CA13: variants seen among roughly 807,000 people sequenced by gnomAD.
The protein encoded by CA13 is carbonic anhydrase 13.
In CA13, 21 loss-of-function variants were observed where a neutral mutation model predicts 31.5. The observed-to-expected ratio is 0.67, with a 90% CI of 0.47 to 0.96. The LOEUF is 0.96. Among genes scored for constraint, CA13 ranks in the 40% least tolerant of loss-of-function variants. The pLI is 0.00. For synonymous variants in CA13, 117 were observed against 111.4 expected (o/e 1.05, Z -0.32); for missense variants, 315 against 318.9 (o/e 0.99, Z 0.09).
At position 85,258,759 on chromosome 8, in the gene CA13, C is replaced by CAAAAAAAA. The variant is rs33933991; in HGVS notation, c.236-640_236-633dup. ...ATAACATAGTGAGGCCCTGTCTCTA[C>CAAAAAAAA]AAAAAAAAAAAAAAAAAAAAAAAAA... is the stretch of plus-strand genomic sequence containing the variant. On this transcript the variant is annotated intron_variant, in intron 2 of 6. Coordinates refer to ENST00000321764, the MANE Select transcript of CA13 (RefSeq NM_198584.3). Among the ~76,000 whole-genome samples the CAAAAAAAA allele has an allele frequency of 3.0e-4, 13 of 43,466 alleles. 2 individuals carry two copies. The highest frequency in any genetic ancestry group is 1.2e-3 in the African/African-American group (12 of 10,044). 28.5% of individuals were successfully genotyped at this position (43,466 alleles called of 152,430 possible).
At chr8:85,252,725 A>T (rs961332761) in intron 2 of CA13, among the ~76,000 whole-genome samples, 18 of 152,210 alleles carry the variant, frequency 1.2e-4, no homozygotes, top group Admixed American at 1.1e-3. Context: ...TTTTAATCTA[A>T]GATCAGGATG....
rs751903047 is a variant in CA13 at position 85,262,620 on chromosome 8, G to T, written c.354+3081G>T. Among the ~76,000 whole-genome samples, 30 of 152,290 alleles carry T rather than the reference G, an allele frequency of 2.0e-4. 2 individuals are homozygous for T. The highest frequency in any genetic ancestry group is 6.8e-3 in the Middle Eastern group (2 of 294). On this transcript the variant is annotated intron_variant, in intron 3 of 6. Transcript: ENST00000321764. ...TATGAAGGTGATTCTAAGTGCAATG[G>T]GAAGCCACTGAAAGGCTTTCCATTG...
intron 6 of CA13, among the ~76,000 whole-genome samples, chr8:85,271,839 C>T (rs920680134): frequency 4.6e-5 from 7 of 152,170 alleles, no homozygotes; most frequent in Middle Eastern, 3.4e-3. Flanking sequence ...GAGGCCAAGG[C>T]GGATGGATCA....
intron 6 of CA13, among the ~76,000 whole-genome samples, chr8:85,280,285 C>A (rs1046682152): frequency 5.9e-5 from 9 of 152,094 alleles, no homozygotes; most frequent in African/African-American, 2.2e-4. Flanking sequence ...TCTCAAAAAA[C>A]AAACAAATAA....
intron 6 of CA13, among the ~76,000 whole-genome samples, chr8:85,278,915 G>A (rs1195885881): frequency 6.6e-6 from 1 of 152,124 alleles, no homozygotes; most frequent in Non-Finnish European, 1.5e-5. Context: ...GGATAATTAT[G>A]TATTATTGAC....
In CA13 at chr8:85,250,923, C is replaced by T; in HGVS notation, c.221C>T (p.Thr74Ile). 1 of 1,613,616 alleles carries T rather than the reference C, an allele frequency of 6.2e-7. No homozygotes were observed. Among genetic ancestry groups the T allele is most frequent in the Non-Finnish European group, 8.5e-7 (1 of 1,179,868 alleles). Residue 74 changes from threonine to isoleucine, a missense_variant, in exon 2 of 7, where the codon ACA becomes ATA. Coordinates refer to ENST00000321764, the MANE Select transcript of CA13 (RefSeq NM_198584.3). ...GHSFNVDFDDTENKSVLRGGP... is the reference protein window; with the variant it reads ...GHSFNVDFDDIENKSVLRGGP... ...TCCTTCAATGTTGACTTTGATGACA[C>T]AGAGAACAAATCAGGTTGGCTTTTC...
At chr8:85,250,627 T>G in intron 1 of CA13, 113 bp from the exon 2 acceptor site, 2 of 664,122 alleles carry the variant, frequency 3.0e-6, no homozygotes, top group East Asian at 5.5e-5. Flanking sequence ...AGAATCTCAT[T>G]TTATTAATCT....
chr8:85,256,228 T>C (rs991602032), intron 2 of CA13, among the ~76,000 whole-genome samples: 7 of 152,222 alleles, frequency 4.6e-5, no homozygotes, highest in Non-Finnish European at 1.0e-4. Flanking sequence ...AAATTTGTGG[T>C]ACTAATTTTT....
chr8:85,260,890 A>C (rs1172906713), intron 3 of CA13, among the ~76,000 whole-genome samples: 1 of 152,232 alleles, frequency 6.6e-6, no homozygotes, highest in African/African-American at 2.4e-5. Flanking sequence ...CAACTCAGGA[A>C]AATTGGTCAA....
rs1012685036 is a variant in CA13, at chr8:85,278,265, CAAAAA to C, written c.670-2946_670-2942del. On this transcript the variant is annotated intron_variant, in intron 6 of 6. Coordinates refer to ENST00000321764, the MANE Select transcript of CA13 (RefSeq NM_198584.3). ...TGGGTGACAGAGCAAGACTCTATCT[CAAAAA>C]AAAAAAAAAAAAAAAAAAGTGAATC... Among the ~76,000 whole-genome samples, 60 of 76,956 alleles carry C rather than the reference CAAAAA, an allele frequency of 7.8e-4. No homozygotes were observed. In the Admixed American group the frequency reaches 8.1e-3, roughly 10 times the overall value. The allele number at this position is 76,956 out of a possible 152,430, so 50.5% of individuals were successfully genotyped here. A position where few individuals can be genotyped will look rare whatever the true frequency, so the allele number is the denominator to read the frequency against.
chr8:85,246,000 G>A, intron 1 of CA13, 135 bp downstream of exon 1: 3 of 933,646 alleles, frequency 3.2e-6, no homozygotes, highest in Non-Finnish European at 5.2e-6. Context: ...AAACTAAGCA[G>A]CACTCCTGGG....
intron 6 of CA13, among the ~76,000 whole-genome samples, chr8:85,277,629 C>T (rs1807633099): frequency 2.6e-5 from 4 of 152,180 alleles, no homozygotes; most frequent in Admixed American, 2.6e-4. Flanking sequence ...ATGCAACGCT[C>T]TTGTATCACT....
intron 1 of CA13, among the ~76,000 whole-genome samples, chr8:85,248,702 A>G (rs1287530834): frequency 6.6e-6 from 1 of 152,190 alleles, no homozygotes; most frequent in Non-Finnish European, 1.5e-5. Context: ...TGGGAATGTG[A>G]TACAAACAAT....
At chr8:85,252,603 C>T (rs536214305) in intron 2 of CA13, among the ~76,000 whole-genome samples, 2 of 152,214 alleles carry the variant, frequency 1.3e-5, no homozygotes, top group African/African-American at 4.8e-5. Context: ...CTATCTACTG[C>T]CCAAGCAGAG....
Position 85,268,522 on chromosome 8 carries a change from A to AGTAG in CA13, c.564_565insGTAG (p.Ser189ValfsTer19), listed in dbSNP as rs763114865. ...TTGACCTATTGTCTCTGCTTCCACC[A>AGTAG]TCCTGGGACTACTGGACATATCCTG... is the stretch of plus-strand genomic sequence containing the variant. On this transcript the variant is annotated frameshift_variant, in exon 6 of 7. Coordinates refer to ENST00000321764, the MANE Select transcript of CA13 (RefSeq NM_198584.3). LOFTEE classifies it high-confidence loss of function. 1.2e-6 allele frequency: 2 copies of AGTAG among 1,613,956 alleles called. No homozygotes were observed. Among genetic ancestry groups the AGTAG allele is most frequent in the Non-Finnish European group, 1.7e-6 (2 of 1,179,966 alleles).
At chr8:85,277,374 G>C (rs1239340357) in intron 6 of CA13, among the ~76,000 whole-genome samples, 4 of 151,948 alleles carry the variant, frequency 2.6e-5, no homozygotes, top group African/African-American at 9.7e-5. Flanking sequence ...GGGAAGCTCT[G>C]CAGCTTCACT....
rs1341693773 is a variant in CA13 at position 85,245,703 on chromosome 8, T to C, written c.-126T>C. ...GGAGCGCCCCGGACCGGGTTCACGG[T>C]CTCGCACTCCTGCCGCCGGCGCCCC... On this transcript the variant is annotated 5_prime_UTR_variant, in exon 1 of 7. Transcript: ENST00000321764. 26 of 1,091,808 alleles carry C rather than the reference T, an allele frequency of 2.4e-5. No homozygotes were observed. The highest frequency in any genetic ancestry group is 3.5e-5 in the Non-Finnish European group (25 of 724,470). The allele number at this position is 1,091,808 out of a possible 1,614,324, so 67.6% of individuals were successfully genotyped here. A position where few individuals can be genotyped will look rare whatever the true frequency, so the allele number is the denominator to read the frequency against.
chr8:85,276,870 A>G lies in CA13; in HGVS notation c.670-4360A>G, dbSNP rs544320892. On this transcript the variant is annotated intron_variant, in intron 6 of 6. Transcript: ENST00000321764. ...TAGCTAAGGGATTGTAAATACACCA[A>G]TCGGCACTCTTTATCTAGCTCAAGG... is the stretch of plus-strand genomic sequence containing the variant. 1.3e-4 allele frequency among the ~76,000 whole-genome samples: 19 copies of G among 151,554 alleles called. No individual in the cohort carries two copies. In the East Asian group the frequency reaches 2.5e-3, roughly 20 times the overall value.
At chr8:85,267,855 C>A in intron 4 of CA13, 47 bp from the exon 5 acceptor site, 2 of 1,175,368 alleles carry the variant, frequency 1.7e-6, no homozygotes, top group Non-Finnish European at 2.5e-6. Flanking sequence ...GTGATTCAGA[C>A]TTGATCTGCT....
Sources: gnomAD v4.1 joint callset for allele counts (sites outside exome capture counted in the v4.1 genomes callset) on GRCh38, gnomAD v4.1.1 for gene constraint, MANE v1.5 for transcripts, NCBI Gene and HGNC (gene_info 2026-07-23, HGNC 2026-07-21) for gene names.